XYLB: variants seen among roughly 807,000 people sequenced by gnomAD.
XYLB encodes xylulose kinase.
XYLB carries 62 observed loss-of-function variants against 78.7 expected under a neutral mutation model. That is an observed-to-expected ratio of 0.79 (90% CI 0.64 to 0.97). The LOEUF (loss-of-function observed/expected upper bound fraction) is 0.97, where lower values mean the gene tolerates loss of function less well. XYLB is among the 50% of genes least tolerant of loss of function. The pLI, the probability that XYLB is intolerant of heterozygous loss-of-function variation, is 0.00. For missense variants in XYLB, 687 were observed against 676.8 expected (o/e 1.02, Z -0.17); for synonymous variants, 245 against 247.4 (o/e 0.99, Z 0.09).
the XYLB span, among the ~76,000 whole-genome samples, chr3:38,441,259 CA>C: frequency 6.6e-6 from 1 of 152,210 alleles, no homozygotes; most frequent in Non-Finnish European, 1.5e-5. Flanking sequence ...TCTATATACA[CA>C]TTTATTCTTT....
chr3:38,350,132 C>T (rs1044295615), intron 2 of XYLB, among the ~76,000 whole-genome samples: 4 of 152,238 alleles, frequency 2.6e-5, no homozygotes, highest in African/African-American at 4.8e-5. Context: ...TTTAGACACA[C>T]TTCCTCTTTG....
intron 14 of XYLB, 145 bp downstream of exon 14, chr3:38,377,136 T>G: frequency 1.4e-6 from 1 of 728,950 alleles, no homozygotes. Context: ...TGTGCCAGGG[T>G]GCATTCTAGA....
chr3:38,424,442 G>A (rs1709061453), downstream of XYLB, among the ~76,000 whole-genome samples: 1 of 152,168 alleles, frequency 6.6e-6, no homozygotes, highest in Admixed American at 6.5e-5. Context: ...GATTTCATAG[G>A]TGTTCTTGAT....
At chr3:38,450,860 C>T in the XYLB span, among the ~76,000 whole-genome samples, 1 of 152,168 alleles carries the variant, frequency 6.6e-6, no homozygotes, top group Middle Eastern at 3.2e-3. Flanking sequence ...GACAATGTTG[C>T]AGTAGTGTAC....
intron 18 of XYLB, among the ~76,000 whole-genome samples, chr3:38,403,765 G>A (rs1052707893): frequency 2.6e-5 from 4 of 152,086 alleles, no homozygotes; most frequent in Admixed American, 6.5e-5. Flanking sequence ...GCACAGCAGC[G>A]TCTGCCTCAT....
At chr3:38,376,784 G>T in intron 13 of XYLB, 134 bp from the exon 14 acceptor site, 1 of 657,790 alleles carries the variant, frequency 1.5e-6, no homozygotes, top group East Asian at 2.8e-5. Context: ...AATATTCACA[G>T]GTCTCATCTG....
the XYLB span, among the ~76,000 whole-genome samples, chr3:38,439,719 G>A: frequency 5.3e-5 from 8 of 150,382 alleles, no homozygotes; most frequent in Admixed American, 2.0e-4. Flanking sequence ...CCGAGATAGC[G>A]CCACTGCACT....
In XYLB at chr3:38,400,978, C is replaced by T. The variant is rs765458080; in HGVS notation, c.1526C>T (p.Ala509Val). Residue 509 changes from alanine to valine, a missense_variant, in exon 18 of 19, where the codon GCT becomes GTT. Physicochemically the swap from Ala to Val is moderately conservative, Grantham distance 64. Transcript: ENST00000207870. ...PRLAATPSPG[A>V]SQVYEALLPQ... Reference sequence around the variant, plus strand: ...CTAGCTGCTACCCCAAGCCCGGGAGCTTCTCAGGTGAGAGACCATCGGAAT... The same window carrying T: ...CTAGCTGCTACCCCAAGCCCGGGAGTTTCTCAGGTGAGAGACCATCGGAAT... 2.2e-5 allele frequency: 35 copies of T among 1,614,030 alleles called. No homozygotes were observed. Among genetic ancestry groups the T allele is most frequent in the Non-Finnish European group, 3.0e-5 (35 of 1,179,984 alleles).
At chr3:38,450,753 G>T in the XYLB span, among the ~76,000 whole-genome samples, 3 of 152,284 alleles carry the variant, frequency 2.0e-5, no homozygotes, top group Admixed American at 6.5e-5. Flanking sequence ...GAATCACTTT[G>T]GTTACTATAT....
At chr3:38,350,443 G>A (rs1223976198) in intron 2 of XYLB, among the ~76,000 whole-genome samples, 2 of 152,136 alleles carry the variant, frequency 1.3e-5, no homozygotes, top group African/African-American at 4.8e-5. Context: ...GGTCATTTCT[G>A]ATATTGGTAA....
chr3:38,396,386 G>A (rs1360827909), intron 16 of XYLB, among the ~76,000 whole-genome samples: 1 of 152,188 alleles, frequency 6.6e-6, no homozygotes, highest in East Asian at 1.9e-4. Context: ...GGACAAGGGG[G>A]CCAACAGGCC....
chr3:38,415,026 C>G (rs1318453323), downstream of XYLB: 1 of 152,142 alleles, frequency 6.6e-6, no homozygotes, highest in Non-Finnish European at 1.5e-5. Context: ...TATCTTGTTA[C>G]TTAGAATATT....
chr3:38,412,034 A>G (rs1290747863), intron 18 of XYLB, among the ~76,000 whole-genome samples: 1 of 146,832 alleles, frequency 6.8e-6, no homozygotes, highest in Non-Finnish European at 1.5e-5. Context: ...TCTGTCACCC[A>G]GGCTGGAGTG....
intron 1 of XYLB, 67 bp downstream of exon 1, chr3:38,346,992 T>TGTCACCCGGACGCGGGAA: frequency 7.5e-7 from 1 of 1,332,970 alleles, no homozygotes; most frequent in Non-Finnish European, 9.7e-7. Context: ...GGGGGCGGGC[T>TGTCACCCGGACGCGGGAA]GTCACCCGGA....
At chr3:38,440,852 TTC>T in the XYLB span, among the ~76,000 whole-genome samples, 4 of 152,022 alleles carry the variant, frequency 2.6e-5, no homozygotes, top group Non-Finnish European at 5.9e-5. Flanking sequence ...CTCTCTGACT[TTC>T]TGTCTTTGTC....
At chr3:38,359,307 C>T (rs1705843984) in intron 2 of XYLB, among the ~76,000 whole-genome samples, 1 of 152,228 alleles carries the variant, frequency 6.6e-6, no homozygotes, top group African/African-American at 2.4e-5. Context: ...GGTTTTCCGC[C>T]CTGGATGGGC....
intron 15 of XYLB, among the ~76,000 whole-genome samples, chr3:38,387,434 G>A (rs1374584553): frequency 6.6e-6 from 1 of 151,988 alleles, no homozygotes; most frequent in Non-Finnish European, 1.5e-5. Context: ...GCAGTGGCAT[G>A]ATCTCGGCTC....
Position 38,368,252 on chromosome 3 carries a change from G to A in XYLB, c.641G>A (p.Ser214Asn). The change falls in exon 8 of 19, where the codon AGT (serine) becomes AAT (asparagine). Residue 214 changes from serine (S) to asparagine (N), a missense_variant. Coordinates refer to ENST00000207870, the MANE Select transcript of XYLB (RefSeq NM_005108.4). Reference protein sequence around the residue: ...FLGSYSPIDYSDGSGMNLLQI... With the variant: ...FLGSYSPIDYNDGSGMNLLQI... ...GGCTCTTACTCCCCTATTGACTACA[G>A]TGATGGTGAGCCTCGGGGTATGGGG... The A allele has an allele frequency of 1.2e-6, 2 of 1,614,156 alleles. No homozygotes were observed. The highest frequency in any genetic ancestry group is 2.7e-5 in the African/African-American group (2 of 75,062).
At chr3:38,431,734 T>G in the XYLB span, among the ~76,000 whole-genome samples, 1 of 152,154 alleles carries the variant, frequency 6.6e-6, no homozygotes, top group Non-Finnish European at 1.5e-5. Flanking sequence ...CCCCTAAGGC[T>G]GGGGAGGCCT....
Sources: allele counts gnomAD v4.1 joint callset (sites outside exome capture counted in the v4.1 genomes callset), GRCh38; gene constraint gnomAD v4.1.1; transcripts MANE v1.5; gene names NCBI Gene and HGNC (gene_info 2026-07-23, HGNC 2026-07-21).